Variants in APC observed in about 807,000 individuals in gnomAD.
APC encodes the protein APC regulator of Wnt signaling pathway.
APC carries 72 observed loss-of-function variants against 247.0 expected under a neutral mutation model. The ratio of observed to expected loss-of-function variants is 0.29; its 90% confidence interval spans 0.24 to 0.35. APC has a LOEUF of 0.35. Among genes scored for constraint, APC ranks in the 10% least tolerant of loss-of-function variants. The pLI is 1.00. For missense variants in APC, 3,400 were observed against 3,360.7 expected (o/e 1.01, Z -0.29); for synonymous variants, 1,254 against 1,162.5 (o/e 1.08, Z -1.60).
chr5:112,753,073 AT>A (rs1354046576), intron 1 of APC, among the ~76,000 whole-genome samples: 1 of 151,632 alleles, frequency 6.6e-6, no homozygotes, highest in African/African-American at 2.4e-5. Context: ...TTGTTTTATT[AT>A]TTTGATGTAA....
rs747348390 is a variant in APC, at chr5:112,780,887, T to C, written c.629T>C (p.Met210Thr). ...GAACAACTAGGTACCTGCCAGGATATGGAAAAACGAGCACAGGTAAGTTAC... is the reference window on the plus strand; with the variant it reads ...GAACAACTAGGTACCTGCCAGGATACGGAAAAACGAGCACAGGTAAGTTAC... ...MEEQLGTCQD[M>T]EKRAQRRIAR... The change falls in exon 6 of 16, where the codon ATG becomes ACG. Residue 210 changes from methionine (M) to threonine (T), a missense_variant. Met to Thr is a moderately conservative substitution (Grantham distance 81). This residue lies in a region of APC where 372 missense variants were observed against 367.6 expected (regional missense o/e 1.01). Coordinates refer to ENST00000257430, the MANE Select transcript of APC (RefSeq NM_000038.6). 6.2e-7 allele frequency: 1 copy of C among 1,610,466 alleles called. No individual in the cohort carries two copies. The highest frequency in any genetic ancestry group is 8.5e-7 in the Non-Finnish European group (1 of 1,177,206).
chr5:112,750,154 G>A (rs951483994), intron 1 of APC, among the ~76,000 whole-genome samples: 1 of 151,622 alleles, frequency 6.6e-6, no homozygotes, highest in Non-Finnish European at 1.5e-5. Flanking sequence ...GTAGAGATCG[G>A]GTTTCACCAT....
chr5:112,715,837 A>T (rs1223977923), intron 1 of APC, among the ~76,000 whole-genome samples: 2 of 152,168 alleles, frequency 1.3e-5, no homozygotes, highest in Non-Finnish European at 2.9e-5. Context: ...AAGCCTATTC[A>T]AGTATTCTAT....
rs1000452483 is a variant in APC, at chr5:112,845,779, A to G, written c.*1653A>G. 8.6e-6 allele frequency: 2 copies of G among 232,008 alleles called. No homozygotes were observed. Among genetic ancestry groups the G allele is most frequent in the East Asian group, 6.1e-5 (1 of 16,390 alleles). The allele number at this position is 232,008 out of a possible 1,614,324, so 14.4% of individuals were successfully genotyped here. A position where few individuals can be genotyped will look rare whatever the true frequency, so the allele number is the denominator to read the frequency against. On this transcript the variant is annotated 3_prime_UTR_variant, in exon 16 of 16. Coordinates refer to ENST00000257430, the MANE Select transcript of APC (RefSeq NM_000038.6). ...TAATATATCTTCCCTGATTTGTTTT[A>G]AAAGATCAGAGGGTGACTGATGATA...
intron 7 of APC, among the ~76,000 whole-genome samples, chr5:112,794,991 A>C (rs1371953906): frequency 2.0e-5 from 3 of 152,144 alleles, no homozygotes; most frequent in Non-Finnish European, 4.4e-5. Flanking sequence ...CTCCTAGTGG[A>C]ATCTAGGCAT....
intron 4 of APC, among the ~76,000 whole-genome samples, chr5:112,772,529 T>C (rs2149805851): frequency 6.6e-6 from 1 of 151,966 alleles, no homozygotes; most frequent in East Asian, 1.9e-4. Context: ...TTTTTTTTTT[T>C]TTTTTAAGAC....
chr5:112,734,210 G>A (rs1014520334), upstream of APC, among the ~76,000 whole-genome samples: 4 of 152,120 alleles, frequency 2.6e-5, no homozygotes, highest in African/African-American at 9.7e-5. Flanking sequence ...ATGGGAGATG[G>A]TTAGGTGGAT....
rs730882135 is a variant in APC, at chr5:112,838,742, GC to G, written c.3149del (p.Ala1050GlufsTer6). The G allele has an allele frequency of 1.2e-6, 2 of 1,613,992 alleles. No homozygotes were observed. The highest frequency in any genetic ancestry group is 1.7e-5 in the Admixed American group (1 of 60,004). ...AAGTCCTTCACAGAATGAAAGATGG[GC>G]AAGACCCAAACACATAATAGAAGAT... ...RQSPSQNERW[A>X]RPKHIIEDEI... On this transcript the variant is annotated frameshift_variant, in exon 16 of 16. Transcript: ENST00000257430. LOFTEE classifies it high-confidence loss of function.
chr5:112,790,750 A>T (rs1300900312), intron 6 of APC, among the ~76,000 whole-genome samples: 1 of 152,234 alleles, frequency 6.6e-6, no homozygotes, highest in African/African-American at 2.4e-5. Flanking sequence ...ACTAGATGTG[A>T]TCAAAGAGTA....
chr5:112,767,530 C>T, intron 4 of APC, 140 bp downstream of exon 4: 1 of 667,182 alleles, frequency 1.5e-6, no homozygotes. Flanking sequence ...TCAAAGATAG[C>T]ATGTTATTGA....
At chr5:112,818,846 G>GC (rs1762785643) in intron 9 of APC, 120 bp from the exon 10 acceptor site, 9 of 795,098 alleles carry the variant, frequency 1.1e-5, no homozygotes, top group Non-Finnish European at 1.5e-5. Flanking sequence ...TTTTTTTTTG[G>GC]CGGGGGGGGT....
At chr5:112,821,866 A>G (rs1763160881) in intron 10 of APC, 30 bp from the exon 11 acceptor site, 4 of 1,524,588 alleles carry the variant, frequency 2.6e-6, no homozygotes, top group Non-Finnish European at 3.6e-6. Context: ...ATAACAAAGC[A>G]TTATGGTTTA....
chr5:112,767,404 A>G lies in APC; in HGVS notation c.422+14A>G, dbSNP rs373500496. 10 of 1,598,122 alleles carry G rather than the reference A, an allele frequency of 6.3e-6. No individual in the cohort carries two copies. The South Asian group carries it at 9.9e-5, about 16-fold the overall frequency. On this transcript the variant is annotated intron_variant, in intron 4 of 15. Transcript: ENST00000257430. ...TGAGAAAGAGAGGTAACTTTTCTTC[A>G]TATAGTAAACATTGCCTTGTGTACT...
At chr5:112,741,249 A>G (rs1236819577) in intron 1 of APC, among the ~76,000 whole-genome samples, 1 of 152,214 alleles carries the variant, frequency 6.6e-6, no homozygotes, top group African/African-American at 2.4e-5. Context: ...TAGGATATTT[A>G]AAGATTTATA....
intron 8 of APC, among the ~76,000 whole-genome samples, chr5:112,804,163 T>G (rs574016484): frequency 6.6e-6 from 1 of 152,326 alleles, no homozygotes; most frequent in South Asian, 2.1e-4. Context: ...TTCCTGGACA[T>G]TTTCCTTGTC....
At chr5:112,726,161 C>T (rs1242119276) in intron 1 of APC, among the ~76,000 whole-genome samples, 1 of 152,204 alleles carries the variant, frequency 6.6e-6, no homozygotes, top group East Asian at 1.9e-4. Context: ...CCCAAGTGGG[C>T]ATGTGTTACA....
At chr5:112,796,036 A>G (rs1760183016) in intron 7 of APC, among the ~76,000 whole-genome samples, 1 of 152,214 alleles carries the variant, frequency 6.6e-6, no homozygotes, top group African/African-American at 2.4e-5. Flanking sequence ...GGGAAAGGAA[A>G]TTTACACAGT....
At chr5:112,768,126 C>G (rs1438019718) in intron 4 of APC, among the ~76,000 whole-genome samples, 32 of 151,374 alleles carry the variant, frequency 2.1e-4, no homozygotes, top group Non-Finnish European at 1.6e-4. Flanking sequence ...TCACTGCAAC[C>G]TCTGCCTCCC....
At position 112,838,317 on chromosome 5, in the gene APC, C is replaced by G. The variant is rs746393911; in HGVS notation, c.2723C>G (p.Ser908Cys). The change falls in exon 16 of 16, where the codon TCT (serine) becomes TGT (cysteine). Residue 908 changes from serine (S) to cysteine (C), a missense_variant. By Grantham distance (112) the Ser-to-Cys change is moderately radical. This residue lies in a region of APC where 715 missense variants were observed against 656.6 expected (regional missense o/e 1.09). Coordinates refer to ENST00000257430, the MANE Select transcript of APC (RefSeq NM_000038.6). ...HTSQEDRSSG[S>C]TTELHCVTDE... ...TCTCAGGAAGACAGAAGTTCTGGGT[C>G]TACCACTGAATTACATTGTGTGACA... 2.5e-6 allele frequency: 4 copies of G among 1,614,108 alleles called. No individual in the cohort carries two copies. The highest frequency in any genetic ancestry group is 3.4e-6 in the Non-Finnish European group (4 of 1,180,048).
Sources: gnomAD v4.1 joint callset for allele counts (sites outside exome capture counted in the v4.1 genomes callset) on GRCh38, gnomAD v4.1.1 for gene constraint, gnomAD v4.1.1 regional missense constraint, MANE v1.5 for transcripts, NCBI Gene and HGNC (gene_info 2026-07-23, HGNC 2026-07-21) for gene names.